PCDHGB2: variants seen among roughly 807,000 people sequenced by gnomAD.
PCDHGB2 encodes protocadherin gamma subfamily B, 2, also known as protocadherin gamma-B2.
PCDHGB2 carries 55 observed loss-of-function variants against 59.3 expected under a neutral mutation model. That is an observed-to-expected ratio of 0.93 (90% CI 0.75 to 1.16). The LOEUF (loss-of-function observed/expected upper bound fraction) is 1.16, where lower values mean the gene tolerates loss of function less well. Among genes scored for constraint, PCDHGB2 ranks in the 50% most tolerant of loss-of-function variants. PCDHGB2 has a pLI of 0.00. For synonymous variants in PCDHGB2, 516 were observed against 512.0 expected (o/e 1.01, Z -0.11); for missense variants, 1,228 against 1,198.5 (o/e 1.02, Z -0.36).
rs772345742 is a variant in PCDHGB2 at position 141,398,560 on chromosome 5, T to C, written c.2421+36004T>C. 17 of 1,613,792 alleles carry C rather than the reference T, an allele frequency of 1.1e-5. No individual in the cohort carries two copies. The Admixed American group carries it at 2.2e-4, about 21-fold the overall frequency. ...TTCCTTTGAGCTGCAAATAAGTGAG[T>C]CTGCACAGCCTGGCACAAGATTTAT... On this transcript the variant is annotated intron_variant, in intron 1 of 3. Transcript: ENST00000522605.
chr5:141,471,906 G>A (rs1376234079), intron 1 of PCDHGB2, among the ~76,000 whole-genome samples: 2 of 152,192 alleles, frequency 1.3e-5, no homozygotes, highest in African/African-American at 4.8e-5. Context: ...CTACAGACAA[G>A]CATGAGGGAA....
At chr5:141,375,326 G>C (rs1771348524) in intron 1 of PCDHGB2, 1 of 1,613,776 alleles carries the variant, frequency 6.2e-7, no homozygotes. Flanking sequence ...CCGGGAAGAG[G>C]TATTCTTGTA....
chr5:141,409,848 G>C (rs149920059), intron 1 of PCDHGB2: 7 of 1,611,904 alleles, frequency 4.3e-6, no homozygotes, highest in Non-Finnish European at 5.9e-6. Context: ...GTGAGCCTGC[G>C]CGTGTTGGTG....
chr5:141,360,081 C>A lies in PCDHGB2; in HGVS notation c.-55C>A, dbSNP rs1380331452. 1.3e-6 allele frequency: 2 copies of A among 1,486,164 alleles called. No homozygotes were observed. The highest frequency in any genetic ancestry group is 1.8e-6 in the Non-Finnish European group (2 of 1,117,744). 92.1% of individuals were successfully genotyped at this position (1,486,164 alleles called of 1,614,324 possible). A position where few individuals can be genotyped will look rare whatever the true frequency, so the allele number is the denominator to read the frequency against. ...AAAAGTGACCTTAGCCCGGATTCTG[C>A]CATCCCCGGAAGGCTTATTCCTCCT... On this transcript the variant is annotated 5_prime_UTR_variant, in exon 1 of 4. Transcript: ENST00000522605.
At chr5:141,389,328 A>G (rs2091708257) in intron 1 of PCDHGB2, 2 of 1,613,854 alleles carry the variant, frequency 1.2e-6, no homozygotes, top group African/African-American at 2.7e-5. Context: ...CTTGGGGCCC[A>G]ACGGCCAAGT....
intron 3 of PCDHGB2, among the ~76,000 whole-genome samples, chr5:141,510,556 T>TA (rs2099881668): frequency 6.6e-6 from 1 of 152,178 alleles, no homozygotes; most frequent in African/African-American, 2.4e-5. Flanking sequence ...TTTGAGCACT[T>TA]ACATCTACCA....
chr5:141,454,546 A>G (rs1342532359), intron 1 of PCDHGB2, among the ~76,000 whole-genome samples: 1 of 152,098 alleles, frequency 6.6e-6, no homozygotes, highest in African/African-American at 2.4e-5. Flanking sequence ...AGCTGAGATT[A>G]CAGGCATGTG....
intron 1 of PCDHGB2, chr5:141,403,757 C>G (rs1326659106): frequency 6.2e-7 from 1 of 1,613,766 alleles, no homozygotes; most frequent in Non-Finnish European, 8.5e-7. Flanking sequence ...AGCCAGCGAC[C>G]TGGATGAGGG....
Position 141,413,878 on chromosome 5 carries a change from A to G in PCDHGB2, c.2421+51322A>G, listed in dbSNP as rs752517949. ...ATCTGGCACTGTCCTTGTCAGTGTGACTGTCTTCGATGCAAATGACAACGC... is the reference window on the plus strand; with the variant it reads ...ATCTGGCACTGTCCTTGTCAGTGTGGCTGTCTTCGATGCAAATGACAACGC... On this transcript the variant is annotated intron_variant, in intron 1 of 3. Coordinates refer to ENST00000522605, the MANE Select transcript of PCDHGB2 (RefSeq NM_018923.3). 2.5e-6 allele frequency: 4 copies of G among 1,613,272 alleles called. No individual in the cohort carries two copies. The South Asian group carries it at 3.3e-5, about 13-fold the overall frequency.
chr5:141,398,945 T>G, intron 1 of PCDHGB2: 3 of 1,613,974 alleles, frequency 1.9e-6, no homozygotes, highest in Non-Finnish European at 2.5e-6. Context: ...GACGAGGGCA[T>G]CAACTCAGAA....
At chr5:141,445,188 GTATTCTA>G (rs1223900471) in intron 1 of PCDHGB2, among the ~76,000 whole-genome samples, 1 of 152,080 alleles carries the variant, frequency 6.6e-6, no homozygotes, top group Non-Finnish European at 1.5e-5. Context: ...ATGTTTTTAT[GTATTCTA>G]TATGCTTTTG....
At chr5:141,365,353 T>A (rs565922694) in intron 1 of PCDHGB2, 17 of 1,613,862 alleles carry the variant, frequency 1.1e-5, no homozygotes, top group Non-Finnish European at 1.4e-5. Flanking sequence ...AGGACGTGAA[T>A]GACAATGCCC....
rs1163353349 is a variant in PCDHGB2, at chr5:141,489,426, G to C, written c.2422-5381G>C. 6.2e-7 allele frequency: 1 copy of C among 1,614,012 alleles called. No homozygotes were observed. The highest frequency in any genetic ancestry group is 1.3e-5 in the African/African-American group (1 of 74,922). ...TAAAGATGACAGATCTGTTGAGCCGGCGGCTGCAATTGGGCTCTGAGGAGA... is the reference window on the plus strand; with the variant it reads ...TAAAGATGACAGATCTGTTGAGCCGCCGGCTGCAATTGGGCTCTGAGGAGA... On this transcript the variant is annotated intron_variant, in intron 1 of 3. Transcript: ENST00000522605. The surrounding 1 kb of genome is among the most constrained non-coding windows in gnomAD (Gnocchi z 4.5).
chr5:141,392,167 C>T (rs565694057), intron 1 of PCDHGB2: 40 of 152,290 alleles, frequency 2.6e-4, no homozygotes, highest in African/African-American at 7.9e-4. Context: ...ATTTCTGAGT[C>T]AGTCATCTCC....
chr5:141,412,040 G>A (rs1046669003), intron 1 of PCDHGB2: 1 of 152,230 alleles, frequency 6.6e-6, no homozygotes, highest in African/African-American at 2.4e-5. Flanking sequence ...TGTGAAAGAA[G>A]TGAACTTCTA....
intron 2 of PCDHGB2, among the ~76,000 whole-genome samples, chr5:141,495,725 C>G (rs1339925752): frequency 1.3e-5 from 2 of 151,986 alleles, no homozygotes; most frequent in African/African-American, 4.8e-5. Flanking sequence ...TACACGGGAC[C>G]CTTAGTCTCT....
intron 1 of PCDHGB2, among the ~76,000 whole-genome samples, chr5:141,397,520 TA>T (rs2093534630): frequency 6.6e-6 from 1 of 152,170 alleles, no homozygotes; most frequent in South Asian, 2.1e-4. Flanking sequence ...CCATAGCTAA[TA>T]AAAAATGAAT....
intron 1 of PCDHGB2, chr5:141,419,262 G>C: frequency 1.9e-6 from 3 of 1,614,014 alleles, no homozygotes; most frequent in Non-Finnish European, 2.5e-6. Context: ...AACCAGCCGG[G>C]TGCCTCCATA....
In PCDHGB2 at chr5:141,489,242, TG is replaced by T; in HGVS notation, c.2422-5561del. 6.5e-7 allele frequency: 1 copy of T among 1,534,498 alleles called. No homozygotes were observed. The highest frequency in any genetic ancestry group is 2.3e-5 in the East Asian group (1 of 44,312). On this transcript the variant is annotated intron_variant, in intron 1 of 3. Transcript: ENST00000522605. The surrounding 1 kb of genome is among the most constrained non-coding windows in gnomAD (Gnocchi z 4.5). ...TCTCCACAAAGGGACTTCTGGGTCA[TG>T]GGGCCCAAGACACTCCCACAGCTCG...
Sources: allele counts gnomAD v4.1 joint callset (sites outside exome capture counted in the v4.1 genomes callset), GRCh38; gene constraint gnomAD v4.1.1; non-coding constraint Gnocchi (gnomAD v3.1); transcripts MANE v1.5; gene names NCBI Gene and HGNC (gene_info 2026-07-23, HGNC 2026-07-21).